The following TET3 variants were observed in gnomAD, a reference collection of about 807,000 sequenced individuals.
TET3 encodes the protein methylcytosine dioxygenase TET3.
A neutral mutation model predicts 141.4 loss-of-function variants in TET3; 19 were observed. The ratio of observed to expected loss-of-function variants is 0.13; its 90% CI spans 0.09 to 0.20. The LOEUF (loss-of-function observed/expected upper bound fraction) is 0.20, where lower values mean the gene tolerates loss of function less well. TET3 is among the 10% of genes least tolerant of loss of function. The probability of loss-of-function intolerance (pLI) is 1.00; values close to 1 mark genes in which losing one functional copy is unlikely to be tolerated. For synonymous variants in TET3, 1,043 were observed against 980.9 expected (o/e 1.06, Z -1.18); for missense variants, 1,874 against 2,356.9 (o/e 0.80, Z 4.24).
At chr2:74,036,849 T>C (rs1464181689) in intron 3 of TET3, among the ~76,000 whole-genome samples, 1 of 152,204 alleles carries the variant, frequency 6.6e-6, no homozygotes, top group Non-Finnish European at 1.5e-5. Context: ...CTGCCAGATA[T>C]GATGACCTCA....
chr2:74,092,673 C>A (rs1298841628), intron 8 of TET3, among the ~76,000 whole-genome samples: 1 of 152,218 alleles, frequency 6.6e-6, no homozygotes, highest in Non-Finnish European at 1.5e-5. Flanking sequence ...GTCAGGATGA[C>A]TAGACCTTCA....
chr2:74,004,194 C>T (rs72816197), intron 3 of TET3, among the ~76,000 whole-genome samples: 6,284 of 152,218 alleles, frequency 0.041, 161 homozygotes, highest in Admixed American at 0.07. Context: ...GTTCCTGCCC[C>T]TGCCTCAGCC....
At chr2:74,040,304 G>A (rs974926041) in intron 3 of TET3, among the ~76,000 whole-genome samples, 5 of 152,064 alleles carry the variant, frequency 3.3e-5, no homozygotes, top group African/African-American at 7.2e-5. Flanking sequence ...TTAAAGGACC[G>A]ACTGTCAGGT....
At position 73,991,853 on chromosome 2, in the gene TET3, A is replaced by G. The variant is rs12328013; in HGVS notation, c.303+5147A>G. ...AGAAGGAAACGCTGATAGAACAGTC[A>G]TGAATGATAGCTTCAGGAGAAAGGT... is the stretch of plus-strand genomic sequence containing the variant. On this transcript the variant is annotated intron_variant, in intron 2 of 11. Coordinates refer to ENST00000409262, the MANE Select transcript of TET3 (RefSeq NM_001287491.2). 2.1e-3 allele frequency among the ~76,000 whole-genome samples: 319 copies of G among 151,100 alleles called. 2 individuals are homozygous for G. Among genetic ancestry groups the G allele is most frequent in the African/African-American group, 7.5e-3 (306 of 41,014 alleles).
intron 4 of TET3, among the ~76,000 whole-genome samples, chr2:74,052,349 C>T (rs1687990373): frequency 6.6e-6 from 1 of 152,136 alleles, no homozygotes; most frequent in South Asian, 2.1e-4. Context: ...GCTTAGAAAT[C>T]AAGGTGCTCA....
chr2:74,002,382 G>A (rs1417679629), intron 2 of TET3, among the ~76,000 whole-genome samples: 19 of 121,740 alleles, frequency 1.6e-4, no homozygotes, highest in Non-Finnish European at 2.9e-4. Context: ...CCCCCCCGGC[G>A]TCTGCTCCGC....
downstream of TET3, among the ~76,000 whole-genome samples, chr2:74,112,971 C>T (rs868118791): frequency 1.5e-5 from 2 of 135,804 alleles, no homozygotes; most frequent in Middle Eastern, 4.9e-3. Context: ...CTCACCACTG[C>T]ACTCCAGCCT....
At chr2:74,071,755 A>G (rs1271617488) in intron 4 of TET3, among the ~76,000 whole-genome samples, 1 of 152,234 alleles carries the variant, frequency 6.6e-6, no homozygotes, top group Non-Finnish European at 1.5e-5. Context: ...ACTGTAGTAC[A>G]GTAGGTACAC....
chr2:74,050,036 G>T (rs1687863360), intron 4 of TET3, among the ~76,000 whole-genome samples: 1 of 152,162 alleles, frequency 6.6e-6, no homozygotes, highest in South Asian at 2.1e-4. Context: ...GTATGTGTGT[G>T]TCCCATCCGC....
the TET3 span, chr2:74,120,665 G>C: frequency 0.97 from 148,382 of 152,414 alleles, 72,243 homozygotes; most frequent in East Asian, 1. Flanking sequence ...GGACCCACTT[G>C]CCTGCCTGGA....
intron 3 of TET3, among the ~76,000 whole-genome samples, chr2:74,013,090 G>A (rs1358427585): frequency 6.6e-6 from 1 of 151,558 alleles, no homozygotes; most frequent in African/African-American, 2.4e-5. Context: ...TGACTCCCTG[G>A]TTCAAGGGAT....
chr2:74,010,996 G>A (rs914681748), intron 3 of TET3, among the ~76,000 whole-genome samples: 34 of 152,096 alleles, frequency 2.2e-4, no homozygotes, highest in Non-Finnish European at 4.7e-4. Context: ...CCAGCACTTT[G>A]GGAGGCTGAG....
At chr2:74,002,815 G>A (rs1684932038) in intron 2 of TET3, 1 of 572,498 alleles carries the variant, frequency 1.7e-6, no homozygotes, top group Non-Finnish European at 3.1e-6. Context: ...GAGCGCGCGG[G>A]GCCGGGGATG....
chr2:74,041,361 T>G (rs1687327694), intron 3 of TET3, among the ~76,000 whole-genome samples: 1 of 152,202 alleles, frequency 6.6e-6, no homozygotes, highest in Non-Finnish European at 1.5e-5. Context: ...CTTGTGGTTT[T>G]GAACCCTCAT....
At chr2:74,061,253 CA>C (rs1386325364) in intron 4 of TET3, among the ~76,000 whole-genome samples, 1 of 142,932 alleles carries the variant, frequency 7.0e-6, no homozygotes, top group African/African-American at 2.6e-5. Context: ...CTGACCCCCC[CA>C]CTTCCCTCCC....
At chr2:74,069,850 G>A (rs1020305702) in intron 4 of TET3, among the ~76,000 whole-genome samples, 1 of 151,900 alleles carries the variant, frequency 6.6e-6, no homozygotes, top group Non-Finnish European at 1.5e-5. Flanking sequence ...TCCTCCCCTT[G>A]GCCTCCTAAA....
chr2:74,007,316 C>G (rs536640209), intron 3 of TET3, among the ~76,000 whole-genome samples: 36 of 152,338 alleles, frequency 2.4e-4, no homozygotes, highest in African/African-American at 8.4e-4. Flanking sequence ...CCTCAAGGGA[C>G]TTCGAAGGTT....
At chr2:74,075,706 T>C (rs1370503193) in intron 5 of TET3, among the ~76,000 whole-genome samples, 9 of 152,100 alleles carry the variant, frequency 5.9e-5, no homozygotes, top group Non-Finnish European at 1.3e-4. Flanking sequence ...TCTGAATAAA[T>C]AAAAGGTAAG....
intron 4 of TET3, among the ~76,000 whole-genome samples, chr2:74,066,956 A>G (rs1015203189): frequency 6.6e-6 from 1 of 152,162 alleles, no homozygotes; most frequent in Non-Finnish European, 1.5e-5. Flanking sequence ...TTTTCTCCAG[A>G]CAATAGCAAC....
Sources: gnomAD v4.1 joint callset for allele counts (sites outside exome capture counted in the v4.1 genomes callset) on GRCh38, gnomAD v4.1.1 for gene constraint, MANE v1.5 for transcripts, NCBI Gene and HGNC (gene_info 2026-07-23, HGNC 2026-07-21) for gene names.